ST18: variants seen among roughly 807,000 people sequenced by gnomAD.
ST18 encodes suppression of tumorigenicity 18 protein.
A neutral mutation model predicts 110.0 loss-of-function variants in ST18; 50 were observed. The observed-to-expected ratio is 0.45, with a 90% CI of 0.36 to 0.58. ST18 has a LOEUF of 0.58. Ranked by LOEUF, ST18 falls within the 20% of genes least tolerant of loss-of-function variation. ST18 has a pLI of 0.00. For synonymous variants in ST18, 461 were observed against 452.4 expected (o/e 1.02, Z -0.24); for missense variants, 1,306 against 1,280.1 (o/e 1.02, Z -0.31).
chr8:52,350,762 C>A (rs1487226456), intron 2 of ST18, among the ~76,000 whole-genome samples: 1 of 151,738 alleles, frequency 6.6e-6, no homozygotes, highest in Non-Finnish European at 1.5e-5. Context: ...GCTCTGTTGC[C>A]CAGGCTGAAG....
At chr8:52,354,991 G>C (rs1281239030) in intron 2 of ST18, among the ~76,000 whole-genome samples, 1 of 152,170 alleles carries the variant, frequency 6.6e-6, no homozygotes, top group Non-Finnish European at 1.5e-5. Flanking sequence ...AAGCCTAGAA[G>C]GCCATGTTCA....
intron 2 of ST18, among the ~76,000 whole-genome samples, chr8:52,365,330 A>T (rs2140500271): frequency 6.6e-6 from 1 of 152,324 alleles, no homozygotes; most frequent in African/African-American, 2.4e-5. Context: ...GGCTATAGCA[A>T]GAACCAGGAT....
intron 2 of ST18, among the ~76,000 whole-genome samples, chr8:52,319,566 G>A (rs1291291522): frequency 6.6e-6 from 1 of 151,936 alleles, no homozygotes; most frequent in Non-Finnish European, 1.5e-5. Context: ...TTACCATAAA[G>A]CCTTTTTTGC....
chr8:52,367,107 C>T (rs761985180), intron 2 of ST18, among the ~76,000 whole-genome samples: 18 of 152,064 alleles, frequency 1.2e-4, no homozygotes, highest in Admixed American at 2.6e-4. Flanking sequence ...TGGTGCATGC[C>T]GGTAATCCCA....
intron 9 of ST18, among the ~76,000 whole-genome samples, chr8:52,178,495 T>C (rs1205413407): frequency 2.6e-5 from 4 of 151,210 alleles, no homozygotes; most frequent in African/African-American, 9.7e-5. Context: ...GGTGTGGCTG[T>C]AATCCCAGCT....
At chr8:52,357,024 T>A (rs1458583797) in intron 2 of ST18, among the ~76,000 whole-genome samples, 2 of 152,086 alleles carry the variant, frequency 1.3e-5, no homozygotes, top group Non-Finnish European at 2.9e-5. Context: ...ATGACACATA[T>A]TTACCTATGT....
intron 5 of ST18, among the ~76,000 whole-genome samples, chr8:52,218,969 C>T (rs959047228): frequency 1.6e-4 from 24 of 151,892 alleles, no homozygotes; most frequent in Non-Finnish European, 2.4e-4. Context: ...TCAAAAATCA[C>T]GTTTTTTAAA....
At chr8:52,352,701 C>G (rs931982596) in intron 2 of ST18, among the ~76,000 whole-genome samples, 27 of 152,174 alleles carry the variant, frequency 1.8e-4, no homozygotes, top group Non-Finnish European at 4.0e-4. Context: ...GCCACTGTCC[C>G]CTGCTCCAGT....
chr8:52,186,437 A>G (rs981345348), intron 8 of ST18, among the ~76,000 whole-genome samples: 1 of 152,186 alleles, frequency 6.6e-6, no homozygotes, highest in Non-Finnish European at 1.5e-5. Flanking sequence ...TGAGGATCTC[A>G]GGCAACTGGA....
At chr8:52,336,414 G>C (rs1214166791) in intron 2 of ST18, among the ~76,000 whole-genome samples, 1 of 152,134 alleles carries the variant, frequency 6.6e-6, no homozygotes, top group Non-Finnish European at 1.5e-5. Context: ...GCCTCTCAAA[G>C]TGCTGGGATT....
chr8:52,227,116 T>C (rs2089736839), intron 3 of ST18, among the ~76,000 whole-genome samples: 1 of 152,182 alleles, frequency 6.6e-6, no homozygotes, highest in South Asian at 2.1e-4. Context: ...TGGAGGCCAA[T>C]GGGGCACTGG....
chr8:52,400,947 AATC>A (rs1304086156), intron 2 of ST18, among the ~76,000 whole-genome samples: 3 of 152,154 alleles, frequency 2.0e-5, no homozygotes, highest in Non-Finnish European at 4.4e-5. Context: ...TCATGATAGT[AATC>A]ATCATCCTTT....
intron 10 of ST18, among the ~76,000 whole-genome samples, chr8:52,169,699 G>A (rs748737990): frequency 9.9e-5 from 15 of 152,132 alleles, no homozygotes; most frequent in African/African-American, 3.4e-4. Flanking sequence ...ATCCCACATC[G>A]GGAACAAGGA....
intron 2 of ST18, among the ~76,000 whole-genome samples, chr8:52,280,284 T>C (rs976425052): frequency 6.6e-6 from 1 of 151,984 alleles, no homozygotes; most frequent in East Asian, 1.9e-4. Context: ...TTAAACTATA[T>C]AAAAATCACA....
chr8:52,239,637 T>G lies in ST18; in HGVS notation c.-464-9560A>C, dbSNP rs147781736. Among the ~76,000 whole-genome samples, 81 of 152,218 alleles carry G rather than the reference T, an allele frequency of 5.3e-4. 1 individual carries two copies. The highest frequency in any genetic ancestry group is 1.8e-3 in the African/African-American group (76 of 41,536). ...AAAAACAAAAAGCCACACCAGAAAT[T>G]AAGAACAGACATGTATCAGCTGCTT... On this transcript the variant is annotated intron_variant, in intron 2 of 25. Transcript: ENST00000689386.
chr8:52,378,660 A>T (rs574793520), intron 2 of ST18, among the ~76,000 whole-genome samples: 35 of 152,332 alleles, frequency 2.3e-4, no homozygotes, highest in African/African-American at 8.2e-4. Flanking sequence ...AAGTTTTTCA[A>T]ACATTGGGGA....
At chr8:52,322,248 A>G (rs1413347158) in intron 2 of ST18, among the ~76,000 whole-genome samples, 1 of 152,190 alleles carries the variant, frequency 6.6e-6, no homozygotes, top group Non-Finnish European at 1.5e-5. Context: ...TTTTCCTACA[A>G]TTCTCATTTT....
chr8:52,309,470 G>A (rs369027371), intron 2 of ST18, among the ~76,000 whole-genome samples: 2 of 134,858 alleles, frequency 1.5e-5, no homozygotes, highest in Admixed American at 1.7e-4. Context: ...GCAGTGAGCC[G>A]AGATTGCACC....
intron 2 of ST18, among the ~76,000 whole-genome samples, chr8:52,348,252 T>A (rs1421427913): frequency 6.6e-6 from 1 of 152,212 alleles, no homozygotes; most frequent in African/African-American, 2.4e-5. Flanking sequence ...GTTCTACAGT[T>A]AAGAGCAAGG....
Sources: gnomAD v4.1 joint callset for allele counts (sites outside exome capture counted in the v4.1 genomes callset) on GRCh38, gnomAD v4.1.1 for gene constraint, MANE v1.5 for transcripts, NCBI Gene and HGNC (gene_info 2026-07-23, HGNC 2026-07-21) for gene names.